Variants in PCDHGA6 observed in about 807,000 individuals in gnomAD.
PCDHGA6 encodes protocadherin gamma-A6.
A neutral mutation model predicts 60.6 loss-of-function variants in PCDHGA6; 41 were observed. The ratio of observed to expected loss-of-function variants is 0.68; its 90% CI spans 0.53 to 0.88. PCDHGA6 has a LOEUF of 0.88. Among genes scored for constraint, PCDHGA6 ranks in the 40% least tolerant of loss-of-function variants. PCDHGA6 has a pLI of 0.00. For synonymous variants in PCDHGA6, 594 were observed against 524.4 expected (o/e 1.13, Z -1.81); for missense variants, 1,312 against 1,203.0 (o/e 1.09, Z -1.34).
In PCDHGA6 at chr5:141,486,270, G is replaced by A. The variant is rs1052584402; in HGVS notation, c.2425-8537G>A. 2 of 1,614,062 alleles carry A rather than the reference G, an allele frequency of 1.2e-6. No homozygotes were observed. Reference sequence around the variant, plus strand: ...ACCCTCCCCGAGAGTGCAGAACCTGGCACTGTGGTGGCACTTATCAGTGTG... The same window carrying A: ...ACCCTCCCCGAGAGTGCAGAACCTGACACTGTGGTGGCACTTATCAGTGTG... On this transcript the variant is annotated intron_variant, in intron 1 of 3. Coordinates refer to ENST00000517434, the MANE Select transcript of PCDHGA6 (RefSeq NM_018919.3). This position sits in a 1 kb window ranked among gnomAD's most constrained non-coding sequence, Gnocchi z 5.0.
rs774505854 is a variant in PCDHGA6 at position 141,490,507 on chromosome 5, G to A, written c.2425-4300G>A. The A allele has an allele frequency of 5.6e-6, 9 of 1,613,898 alleles. No individual in the cohort carries two copies. The highest frequency in any genetic ancestry group is 4.0e-5 in the African/African-American group (3 of 74,868). ...GGAGGCCACATCCCACTATATCATC[G>A]AGCTGCTGGCCAGCGATGCTGGTTC... On this transcript the variant is annotated intron_variant, in intron 1 of 3. Transcript: ENST00000517434. This position sits in a 1 kb window ranked among gnomAD's most constrained non-coding sequence, Gnocchi z 5.4.
chr5:141,492,616 G>A (rs976681246), intron 1 of PCDHGA6, among the ~76,000 whole-genome samples: 1 of 152,252 alleles, frequency 6.6e-6, no homozygotes. Flanking sequence ...CTAAGTGCCG[G>A]GCGGGCAGGA....
At chr5:141,404,039 G>A in intron 1 of PCDHGA6, 1 of 1,613,750 alleles carries the variant, frequency 6.2e-7, no homozygotes, top group Non-Finnish European at 8.5e-7. Context: ...CGCACCTCAG[G>A]GAACAGTAAT....
At chr5:141,411,771 A>C (rs2095514402) in intron 1 of PCDHGA6, 1 of 151,946 alleles carries the variant, frequency 6.6e-6, no homozygotes, top group Non-Finnish European at 1.5e-5. Flanking sequence ...GGTCTCAGCT[A>C]CTCTGGTGGC....
intron 1 of PCDHGA6, chr5:141,416,482 A>G (rs1009921478): frequency 6.6e-6 from 1 of 152,210 alleles, no homozygotes; most frequent in East Asian, 1.9e-4. Context: ...TGTTCCCGAG[A>G]ACAGGAGCAA....
chr5:141,500,493 G>A (rs1239876467), intron 2 of PCDHGA6, among the ~76,000 whole-genome samples: 1 of 152,166 alleles, frequency 6.6e-6, no homozygotes, highest in Admixed American at 6.5e-5. Context: ...ACAGGCGTGA[G>A]CCACCGCGCC....
chr5:141,403,863 C>CA (rs1449407003), intron 1 of PCDHGA6: 1 of 1,613,374 alleles, frequency 6.2e-7, no homozygotes, highest in Non-Finnish European at 8.5e-7. Flanking sequence ...ATATCAACAG[C>CA]AAAAAGTCTA....
rs763582836 is a variant in PCDHGA6 at position 141,404,442 on chromosome 5, A to G, written c.2424+27935A>G. Reference sequence around the variant, plus strand: ...TACTCCTTGGCAGAGGATACCATCCAAGGGTCTCCTCTCTCCACCTATGTC... The same window carrying G: ...TACTCCTTGGCAGAGGATACCATCCGAGGGTCTCCTCTCTCCACCTATGTC... On this transcript the variant is annotated intron_variant, in intron 1 of 3. Transcript: ENST00000517434. 21 of 1,610,906 alleles carry G rather than the reference A, an allele frequency of 1.3e-5. No homozygotes were observed. In the Admixed American group the frequency reaches 3.5e-4, roughly 27 times the overall value.
intron 1 of PCDHGA6, chr5:141,426,420 C>T (rs2096934904): frequency 3.5e-6 from 1 of 287,972 alleles, no homozygotes; most frequent in Non-Finnish European, 6.9e-6. Flanking sequence ...TCCAGGGCTC[C>T]GTGGTGGGGA....
chr5:141,495,041 G>A, intron 2 of PCDHGA6, 176 bp downstream of exon 2: 1 of 942,350 alleles, frequency 1.1e-6, no homozygotes, highest in Non-Finnish European at 1.3e-6. Flanking sequence ...AGGAAGAGGC[G>A]ACTGCCCTGA....
intron 1 of PCDHGA6, among the ~76,000 whole-genome samples, chr5:141,444,942 A>C (rs1272061494): frequency 6.6e-6 from 1 of 152,082 alleles, no homozygotes; most frequent in Non-Finnish European, 1.5e-5. Flanking sequence ...AGGAGGGAGG[A>C]GGATCATCTT....
chr5:141,462,183 C>A (rs1439465872), intron 1 of PCDHGA6, among the ~76,000 whole-genome samples: 1 of 152,158 alleles, frequency 6.6e-6, no homozygotes. Flanking sequence ...TGGTCTTGAA[C>A]TCCTGACCTC....
intron 1 of PCDHGA6, chr5:141,393,493 G>A (rs1034199960): frequency 6.2e-7 from 1 of 1,614,046 alleles, no homozygotes; most frequent in Non-Finnish European, 8.5e-7. Context: ...AGCACAGTGC[G>A]CATCCACGTG....
intron 1 of PCDHGA6, chr5:141,418,385 G>T: frequency 6.2e-7 from 1 of 1,613,930 alleles, no homozygotes; most frequent in Non-Finnish European, 8.5e-7. Context: ...AAGTCCTAAC[G>T]AGTATTTCTC....
chr5:141,443,826 G>C (rs955306823), intron 1 of PCDHGA6, among the ~76,000 whole-genome samples: 1 of 151,978 alleles, frequency 6.6e-6, no homozygotes, highest in African/African-American at 2.4e-5. Flanking sequence ...AACATAATTA[G>C]GTAAAATGGG....
intron 1 of PCDHGA6, among the ~76,000 whole-genome samples, chr5:141,444,110 A>C (rs1284415694): frequency 6.7e-6 from 1 of 149,880 alleles, no homozygotes; most frequent in Non-Finnish European, 1.5e-5. Flanking sequence ...AACCAAGAAA[A>C]GTGAAGTATC....
intron 1 of PCDHGA6, chr5:141,420,386 A>G (rs1407565643): frequency 6.2e-6 from 8 of 1,284,798 alleles, no homozygotes; most frequent in Non-Finnish European, 7.2e-6. Context: ...AGTTCGCAAA[A>G]TATAGGTCAA....
Position 141,374,208 on chromosome 5 carries a change from G to C in PCDHGA6, c.125G>C (p.Gly42Ala). Residue 42 changes from glycine to alanine, a missense_variant, in exon 1 of 4, where the codon GGC becomes GCC. Gly to Ala is a moderately conservative substitution (Grantham distance 60). Coordinates refer to ENST00000517434, the MANE Select transcript of PCDHGA6 (RefSeq NM_018919.3). ...RYSIPEELEKGSFVGNIVKDL... is the reference protein window; with the variant it reads ...RYSIPEELEKASFVGNIVKDL... Reference sequence around the variant, plus strand: ...TCTATTCCCGAGGAGCTGGAGAAAGGCTCCTTCGTAGGCAACATCGTCAAG... The same window carrying C: ...TCTATTCCCGAGGAGCTGGAGAAAGCCTCCTTCGTAGGCAACATCGTCAAG... The C allele has an allele frequency of 6.2e-7, 1 of 1,613,952 alleles. No individual in the cohort carries two copies. The highest frequency in any genetic ancestry group is 8.5e-7 in the Non-Finnish European group (1 of 1,179,898).
intron 1 of PCDHGA6, among the ~76,000 whole-genome samples, chr5:141,445,441 C>G (rs1201825256): frequency 6.6e-6 from 1 of 152,152 alleles, no homozygotes; most frequent in East Asian, 1.9e-4. Context: ...GACCTATGGA[C>G]TAAGGATGCA....
Sources: allele counts gnomAD v4.1 joint callset (sites outside exome capture counted in the v4.1 genomes callset), GRCh38; gene constraint gnomAD v4.1.1; non-coding constraint Gnocchi (gnomAD v3.1); transcripts MANE v1.5; gene names NCBI Gene and HGNC (gene_info 2026-07-23, HGNC 2026-07-21).